Variants in CPNE3 observed in about 807,000 individuals in gnomAD.
CPNE3 encodes the protein copine-3.
In CPNE3, 68 loss-of-function variants were observed where a neutral mutation model predicts 63.9. The ratio of observed to expected loss-of-function variants is 1.06; its 90% CI spans 0.87 to 1.30. CPNE3 has a LOEUF of 1.30. CPNE3 is among the 50% of genes most tolerant of loss of function. The pLI is 0.00. For missense variants in CPNE3, 665 were observed against 578.1 expected (o/e 1.15, Z -1.54); for synonymous variants, 219 against 197.5 (o/e 1.11, Z -0.91).
rs768106489 is a variant in CPNE3 at position 86,548,299 on chromosome 8, A to G, written c.880-2A>G. The G allele has an allele frequency of 9.3e-6, 15 of 1,613,684 alleles. No homozygotes were observed. In the East Asian group the frequency reaches 3.3e-4, roughly 36 times the overall value. On this transcript the variant is annotated splice_acceptor_variant, in intron 11 of 16. Coordinates refer to ENST00000517490, the MANE Select transcript of CPNE3 (RefSeq NM_003909.5). LOFTEE classifies it high-confidence loss of function. ...CTAAGGGCTGCAATTGTTATTTGGC[A>G]GGTGGGAGTGGACTTCACTGGCTCC...
chr8:86,551,394 A>G, intron 14 of CPNE3, 160 bp downstream of exon 14: 1 of 614,232 alleles, frequency 1.6e-6, no homozygotes, highest in Non-Finnish European at 2.8e-6. Flanking sequence ...TGTATAAGGT[A>G]GAAGAATTGC....
intron 9 of CPNE3, among the ~76,000 whole-genome samples, chr8:86,546,215 AGC>A: frequency 6.6e-6 from 1 of 151,976 alleles, no homozygotes. Context: ...TGTTGGTAAC[AGC>A]TAGGAGTAAT....
At chr8:86,537,978 C>CTG (rs1447009823) in intron 7 of CPNE3, among the ~76,000 whole-genome samples, 50 of 129,490 alleles carry the variant, frequency 3.9e-4, no homozygotes, top group African/African-American at 1.2e-3. Flanking sequence ...CTCTCTCTCT[C>CTG]TCTCTCTCTC....
At chr8:86,553,383 G>A (rs572567527) in intron 14 of CPNE3, among the ~76,000 whole-genome samples, 4 of 152,080 alleles carry the variant, frequency 2.6e-5, no homozygotes, top group Non-Finnish European at 5.9e-5. Flanking sequence ...GCCAAGTATG[G>A]TCATGCACTA....
rs1158024060 is a variant in CPNE3 at position 86,514,437 on chromosome 8, C to A, written c.-153C>A. The A allele has an allele frequency of 6.4e-6, 1 of 156,578 alleles. No homozygotes were observed. The highest frequency in any genetic ancestry group is 1.4e-5 in the Non-Finnish European group (1 of 72,540). 9.7% of individuals were successfully genotyped at this position (156,578 alleles called of 1,614,324 possible). ...CCCCCTCCCCGCCCCCTTGCTCTGCCAGTCCAGCCCTAGGTTCTCCTGAAT... is the reference window on the plus strand; with the variant it reads ...CCCCCTCCCCGCCCCCTTGCTCTGCAAGTCCAGCCCTAGGTTCTCCTGAAT... On this transcript the variant is annotated 5_prime_UTR_variant, in exon 1 of 17. Coordinates refer to ENST00000517490, the MANE Select transcript of CPNE3 (RefSeq NM_003909.5).
intron 12 of CPNE3, among the ~76,000 whole-genome samples, chr8:86,550,702 A>G (rs1335800545): frequency 6.6e-6 from 1 of 152,232 alleles, no homozygotes; most frequent in African/African-American, 2.4e-5. Flanking sequence ...ATTAGTAAAA[A>G]AAGAATTGTG....
At position 86,548,397 on chromosome 8, in the gene CPNE3, C is replaced by T. The variant is rs370964869; in HGVS notation, c.976C>T (p.Leu326Phe). 7.2e-5 allele frequency: 116 copies of T among 1,613,978 alleles called. 1 individual carries two copies. In the South Asian group the frequency reaches 8.2e-4, roughly 11 times the overall value. Residue 326 changes from leucine to phenylalanine, a missense_variant, in exon 12 of 17, where the codon CTC becomes TTC. Coordinates refer to ENST00000517490, the MANE Select transcript of CPNE3 (RefSeq NM_003909.5). ...PNGVNEYLTALWSVGLVIQDY... is the reference protein window; with the variant it reads ...PNGVNEYLTAFWSVGLVIQDY... The stretch of plus-strand genomic sequence containing the variant: ...TGGCGTTAATGAGTATTTGACTGCT[C>T]TCTGGTCTGTGGGACTGGTCATTCA...
chr8:86,525,832 G>A (rs928398064), intron 2 of CPNE3, among the ~76,000 whole-genome samples: 4 of 151,904 alleles, frequency 2.6e-5, no homozygotes, highest in Non-Finnish European at 5.9e-5. Flanking sequence ...TCATCCACAG[G>A]GCACTGCATT....
intron 2 of CPNE3, 27 bp from the exon 3 acceptor site, chr8:86,528,509 G>A (rs2131440844): frequency 6.2e-7 from 1 of 1,610,060 alleles, no homozygotes; most frequent in Non-Finnish European, 8.5e-7. Flanking sequence ...TGTTTTACTT[G>A]CTTTCTCTTT....
At chr8:86,556,714 G>C (rs1821334178) in intron 16 of CPNE3, among the ~76,000 whole-genome samples, 1 of 152,108 alleles carries the variant, frequency 6.6e-6, no homozygotes, top group Non-Finnish European at 1.5e-5. Flanking sequence ...ATATTGCAGA[G>C]CTATAGTACA....
intron 2 of CPNE3, among the ~76,000 whole-genome samples, chr8:86,516,976 C>T (rs983486167): frequency 3.3e-5 from 5 of 152,198 alleles, no homozygotes; most frequent in African/African-American, 1.2e-4. Context: ...TTTAGCAAGA[C>T]TCAATGTCAC....
intron 2 of CPNE3, among the ~76,000 whole-genome samples, chr8:86,527,930 G>C (rs1017517340): frequency 8.3e-6 from 1 of 119,996 alleles, no homozygotes; most frequent in Non-Finnish European, 1.7e-5. Flanking sequence ...AAAATTTATA[G>C]TTAAGGTAAA....
chr8:86,547,833 T>G, intron 11 of CPNE3, 63 bp downstream of exon 11: 2 of 812,688 alleles, frequency 2.5e-6, no homozygotes, highest in South Asian at 3.0e-5. Flanking sequence ...ATATTTTCTT[T>G]CACTGCAAAA....
At position 86,560,421 on chromosome 8, in the gene CPNE3, C is replaced by T. The variant is rs1214807178; in HGVS notation, c.*2011C>T. ...CCCAGTCACTGGGCATATCCTCCTT[C>T]TCCTTAACCAGCTCCACAGCAGCCC... On this transcript the variant is annotated 3_prime_UTR_variant, in exon 17 of 17. Transcript: ENST00000517490. The T allele has an allele frequency of 2.0e-5, 3 of 152,276 alleles. No homozygotes were observed. Among genetic ancestry groups the T allele is most frequent in the South Asian group, 2.1e-4 (1 of 4,818 alleles). 9.4% of individuals were successfully genotyped at this position (152,276 alleles called of 1,614,324 possible).
Position 86,558,447 on chromosome 8 carries a change from A to G in CPNE3, c.*37A>G. ...GAATTCTTTTGTGTTATGTGGAGCA[A>G]TGCCATCTCTCACCCCAAATCGTGT... On this transcript the variant is annotated 3_prime_UTR_variant, in exon 17 of 17. Transcript: ENST00000517490. 1 of 871,926 alleles carries G rather than the reference A, an allele frequency of 1.1e-6. No individual in the cohort carries two copies. Among genetic ancestry groups the G allele is most frequent in the South Asian group, 1.3e-5 (1 of 76,526 alleles). The allele number at this position is 871,926 out of a possible 1,614,324, so 54.0% of individuals were successfully genotyped here. A position where few individuals can be genotyped will look rare whatever the true frequency, so the allele number is the denominator to read the frequency against.
At chr8:86,517,914 G>A (rs190319122) in intron 2 of CPNE3, among the ~76,000 whole-genome samples, 1 of 152,238 alleles carries the variant, frequency 6.6e-6, no homozygotes, top group East Asian at 1.9e-4. Flanking sequence ...CTCATGATTG[G>A]GAAATATAAA....
In CPNE3 at chr8:86,560,473, G is replaced by A. The variant is rs547024075; in HGVS notation, c.*2063G>A. 4.6e-5 allele frequency: 7 copies of A among 152,264 alleles called. No homozygotes were observed. The South Asian group carries it at 1.4e-3, about 32-fold the overall frequency. The allele number at this position is 152,264 out of a possible 1,614,324, so 9.4% of individuals were successfully genotyped here. On this transcript the variant is annotated 3_prime_UTR_variant, in exon 17 of 17. Coordinates refer to ENST00000517490, the MANE Select transcript of CPNE3 (RefSeq NM_003909.5). Reference sequence around the variant, plus strand: ...TGAGTCACCTGCACAAGGTGCTTGGGAACTGCTGGTTATGAGCATTCCTGG... The same window carrying A: ...TGAGTCACCTGCACAAGGTGCTTGGAAACTGCTGGTTATGAGCATTCCTGG...
chr8:86,534,695 T>A (rs568285695), intron 6 of CPNE3, among the ~76,000 whole-genome samples: 5 of 152,148 alleles, frequency 3.3e-5, no homozygotes, highest in Non-Finnish European at 7.4e-5. Flanking sequence ...AGTGATATCG[T>A]CACTCTATCA....
rs536813276 is a variant in CPNE3, at chr8:86,541,705, T to TAA, written c.633+1389_633+1390dup. Among the ~76,000 whole-genome samples the TAA allele has an allele frequency of 8.5e-3, 1,043 of 122,136 alleles. 10 individuals carry two copies. Among genetic ancestry groups the TAA allele is most frequent in the Non-Finnish European group, 0.013 (781 of 59,004 alleles). 80.1% of individuals were successfully genotyped at this position (122,136 alleles called of 152,430 possible). A position where few individuals can be genotyped will look rare whatever the true frequency, so the allele number is the denominator to read the frequency against. On this transcript the variant is annotated intron_variant, in intron 8 of 16. Coordinates refer to ENST00000517490, the MANE Select transcript of CPNE3 (RefSeq NM_003909.5). ...TGGGTGATGGAGTGAGACCGTGTCT[T>TAA]AAAAAAAAAAAAAAAAAAACTGCTT...
Sources: allele counts gnomAD v4.1 joint callset (sites outside exome capture counted in the v4.1 genomes callset), GRCh38; gene constraint gnomAD v4.1.1; transcripts MANE v1.5; gene names NCBI Gene and HGNC (gene_info 2026-07-23, HGNC 2026-07-21).